The following GABRG2 variants were observed in gnomAD, a reference collection of about 807,000 sequenced individuals.
The protein encoded by GABRG2 is gamma-aminobutyric acid type A receptor subunit gamma2.
A neutral mutation model predicts 56.4 loss-of-function variants in GABRG2; 16 were observed. The ratio of observed to expected loss-of-function variants is 0.28; its 90% CI spans 0.19 to 0.43. GABRG2 has a LOEUF of 0.43. Ranked by LOEUF, GABRG2 falls within the 20% of genes least tolerant of loss-of-function variation. The pLI, the probability that GABRG2 is intolerant of heterozygous loss-of-function variation, is 1.00. For synonymous variants in GABRG2, 208 were observed against 205.5 expected, an observed-to-expected ratio of 1.01 and a Z score of -0.10; for missense variants, 327 against 582.7, an observed-to-expected ratio of 0.56 and a Z score of 4.52.
At chr5:162,150,279 T>C (rs1035149239) in intron 8 of GABRG2, 7 of 152,240 alleles carry the variant, frequency 4.6e-5, no homozygotes, top group Non-Finnish European at 1.5e-5. Flanking sequence ...TATTACATAG[T>C]ACTCTACACA....
At chr5:162,093,606 T>C (rs575899295) in intron 1 of GABRG2, among the ~76,000 whole-genome samples, 12 of 152,290 alleles carry the variant, frequency 7.9e-5, no homozygotes, top group South Asian at 4.1e-4. Flanking sequence ...ACATGGTTTA[T>C]TTGTCCATGG....
intron 1 of GABRG2, among the ~76,000 whole-genome samples, chr5:162,076,924 A>G (rs1759166109): frequency 6.6e-6 from 1 of 152,082 alleles, no homozygotes; most frequent in Admixed American, 6.6e-5. Context: ...TGTTTTTGCT[A>G]CCTTCCAATT....
At chr5:162,080,061 T>C (rs1378892790) in intron 1 of GABRG2, among the ~76,000 whole-genome samples, 1 of 152,164 alleles carries the variant, frequency 6.6e-6, no homozygotes, top group Non-Finnish European at 1.5e-5. Flanking sequence ...GTGTTAAATG[T>C]AGAATGAATA....
At chr5:162,073,741 A>G (rs1758861159) in intron 1 of GABRG2, among the ~76,000 whole-genome samples, 1 of 151,968 alleles carries the variant, frequency 6.6e-6, no homozygotes, top group Non-Finnish European at 1.5e-5. Flanking sequence ...AGAAGCTATA[A>G]TTTCTAGAAA....
At chr5:162,109,420 A>ATATATATATATATATTTATTTATT (rs1424412323) in intron 6 of GABRG2, among the ~76,000 whole-genome samples, 4 of 116,102 alleles carry the variant, frequency 3.4e-5, no homozygotes, top group African/African-American at 6.5e-5. Flanking sequence ...ATATATATAT[A>ATATATATATATATATTTATTTATT]TATTTATTTA....
At position 162,067,822 on chromosome 5, in the gene GABRG2, C is replaced by A; in HGVS notation, c.-178C>A. The A allele has an allele frequency of 1.6e-6, 1 of 632,726 alleles. No individual in the cohort carries two copies. The highest frequency in any genetic ancestry group is 2.8e-6 in the Non-Finnish European group (1 of 357,518). 39.2% of individuals were successfully genotyped at this position (632,726 alleles called of 1,614,324 possible). The stretch of plus-strand genomic sequence containing the variant: ...CTGCAAGCGTTTTTGCTGATCTTAT[C>A]TCTGCCCCCTGAATATTAATTCCCT... On this transcript the variant is annotated 5_prime_UTR_variant, in exon 1 of 10. Coordinates refer to ENST00000639213, the MANE Select transcript of GABRG2 (RefSeq NM_198904.4).
intron 1 of GABRG2, among the ~76,000 whole-genome samples, chr5:162,085,032 G>A (rs1043491773): frequency 3.9e-5 from 6 of 151,902 alleles, no homozygotes; most frequent in African/African-American, 1.4e-4. Context: ...AAACTTCCAT[G>A]TTAGTGTGTA....
At chr5:162,112,931 G>A (rs954343548) in intron 6 of GABRG2, among the ~76,000 whole-genome samples, 1 of 151,850 alleles carries the variant, frequency 6.6e-6, no homozygotes, top group Non-Finnish European at 1.5e-5. Flanking sequence ...TTTTTTGTTT[G>A]CTTTTATTTT....
intron 6 of GABRG2, among the ~76,000 whole-genome samples, chr5:162,125,091 C>T (rs1486029258): frequency 3.3e-5 from 5 of 151,138 alleles, no homozygotes; most frequent in Non-Finnish European, 7.4e-5. Context: ...TTCAATAGTT[C>T]TTATAATTAT....
chr5:162,129,000 A>G (rs1376060635), intron 6 of GABRG2, among the ~76,000 whole-genome samples: 1 of 152,012 alleles, frequency 6.6e-6, no homozygotes, highest in Non-Finnish European at 1.5e-5. Context: ...ATAGTCTATT[A>G]TATACTTTCT....
intron 6 of GABRG2, among the ~76,000 whole-genome samples, chr5:162,124,134 G>GA (rs1259912125): frequency 6.6e-6 from 1 of 151,622 alleles, no homozygotes; most frequent in Non-Finnish European, 1.5e-5. Flanking sequence ...TAGCTAAAGA[G>GA]AAAAAAGGGG....
intron 4 of GABRG2, chr5:162,099,447 T>A (rs918510890): frequency 2.0e-5 from 3 of 152,088 alleles, no homozygotes; most frequent in African/African-American, 7.2e-5. Context: ...AATTTTTTTG[T>A]ATTTTTTTGT....
chr5:162,110,203 C>T (rs1394933470), intron 6 of GABRG2, among the ~76,000 whole-genome samples: 1 of 152,058 alleles, frequency 6.6e-6, no homozygotes, highest in African/African-American at 2.4e-5. Flanking sequence ...CAGTGACATG[C>T]AGATCACAAT....
intron 6 of GABRG2, among the ~76,000 whole-genome samples, chr5:162,111,105 C>T (rs1276214759): frequency 3.3e-5 from 5 of 152,060 alleles, no homozygotes; most frequent in Non-Finnish European, 7.4e-5. Flanking sequence ...CTAAGAGCCA[C>T]TTTCTTTATA....
rs776744057 is a variant in GABRG2 at position 162,068,149 on chromosome 5, G to T, written c.107+43G>T. On this transcript the variant is annotated intron_variant, in intron 1 of 9. Transcript: ENST00000639213. ...TGGCGTCGTTTTGTTCTGAAGAGGT[G>T]GGGGGAAGGTGTGGGGAGGGGTAAC... is the stretch of plus-strand genomic sequence containing the variant. 5 of 1,401,640 alleles carry T rather than the reference G, an allele frequency of 3.6e-6. No homozygotes were observed. In the South Asian group the frequency reaches 4.6e-5, roughly 13 times the overall value. The allele number at this position is 1,401,640 out of a possible 1,614,324, so 86.8% of individuals were successfully genotyped here.
At chr5:162,124,958 A>ATGTG (rs55993809) in intron 6 of GABRG2, among the ~76,000 whole-genome samples, 5,459 of 143,934 alleles carry the variant, frequency 0.038, 218 homozygotes, top group African/African-American at 0.096. Context: ...GTATAAAGAG[A>ATGTG]TGTGTGTGTG....
intron 1 of GABRG2, among the ~76,000 whole-genome samples, chr5:162,068,802 G>A (rs1372458112): frequency 6.6e-6 from 1 of 152,106 alleles, no homozygotes; most frequent in East Asian, 1.9e-4. Flanking sequence ...AAGCCACGGG[G>A]CACTAATGAA....
chr5:162,068,224 C>A, intron 1 of GABRG2, 118 bp downstream of exon 1: 1 of 740,850 alleles, frequency 1.3e-6, no homozygotes. Context: ...TGCGGCTTTA[C>A]AATTTAGGAG....
At chr5:162,098,469 ATAAT>A (rs1269629557) in intron 4 of GABRG2, 1 of 153,042 alleles carries the variant, frequency 6.5e-6, no homozygotes, top group African/African-American at 2.4e-5. Context: ...CCTTAATAAA[ATAAT>A]TATTTTATGC....
Sources: gnomAD v4.1 joint callset for allele counts (sites outside exome capture counted in the v4.1 genomes callset) on GRCh38, gnomAD v4.1.1 for gene constraint, MANE v1.5 for transcripts, NCBI Gene and HGNC (gene_info 2026-07-23, HGNC 2026-07-21) for gene names.